Variants in PIAS4 observed in about 807,000 individuals in gnomAD.
The protein encoded by PIAS4 is protein inhibitor of activated STAT 4.
PIAS4 carries 7 observed loss-of-function variants against 58.0 expected under a neutral mutation model. The ratio of observed to expected loss-of-function variants is 0.12; its 90% CI spans 0.07 to 0.23. The LOEUF is 0.23. Ranked by LOEUF, PIAS4 falls within the 10% of genes least tolerant of loss-of-function variation. The probability of loss-of-function intolerance (pLI) is 1.00; values close to 1 mark genes in which losing one functional copy is unlikely to be tolerated. For missense variants in PIAS4, 550 were observed against 709.5 expected (o/e 0.78, Z 2.55); for synonymous variants, 364 against 312.4 (o/e 1.17, Z -1.74).
intron 1 of PIAS4, among the ~76,000 whole-genome samples, chr19:4,011,435 A>T (rs73918106): frequency 0.053 from 8,136 of 152,250 alleles, 744 homozygotes; most frequent in African/African-American, 0.18. Context: ...GGCCACTGCC[A>T]GTCTACCCCA....
intron 1 of PIAS4, among the ~76,000 whole-genome samples, chr19:4,011,549 CT>C (rs2039992188): frequency 6.6e-6 from 1 of 152,264 alleles, no homozygotes; most frequent in South Asian, 2.1e-4. Context: ...TCATTTGTCG[CT>C]TTGACCCAGG....
intron 9 of PIAS4, among the ~76,000 whole-genome samples, chr19:4,036,441 A>AAC (rs966414127): frequency 1.9e-5 from 2 of 104,706 alleles, no homozygotes; most frequent in African/African-American, 1.0e-4. Context: ...CTGTCATACA[A>AAC]ACACACACAC....
intron 4 of PIAS4, 76 bp downstream of exon 4, chr19:4,028,263 C>T (rs2040187761): frequency 7.8e-7 from 1 of 1,277,654 alleles, no homozygotes. Context: ...AGTCCTGGCC[C>T]AGGCCCTTCT....
At chr19:4,026,810 C>G (rs2084107) in intron 3 of PIAS4, among the ~76,000 whole-genome samples, 152,154 of 152,274 alleles carry the variant, frequency 1, 76,018 homozygotes, top group Middle Eastern at 1. Context: ...AGACTTCTGA[C>G]TAGCTAGGAT....
At chr19:4,036,625 T>A (rs551594798) in intron 9 of PIAS4, among the ~76,000 whole-genome samples, 1,283 of 91,200 alleles carry the variant, frequency 0.014, 55 homozygotes, top group Non-Finnish European at 0.021. Flanking sequence ...CCACACCGTC[T>A]CACATCTATA....
intron 2 of PIAS4, among the ~76,000 whole-genome samples, chr19:4,021,248 G>C (rs558582469): frequency 2.0e-4 from 31 of 152,250 alleles, no homozygotes; most frequent in African/African-American, 7.2e-4. Flanking sequence ...CGCCTTCTGG[G>C]TTTAAGCGAT....
At chr19:4,016,014 A>T (rs1050050903) in intron 2 of PIAS4, among the ~76,000 whole-genome samples, 6 of 152,098 alleles carry the variant, frequency 3.9e-5, no homozygotes, top group Non-Finnish European at 8.8e-5. Context: ...CAGTGCGGAG[A>T]ACGGCCCAAG....
rs1216213834 is a variant in PIAS4 at position 4,028,617 on chromosome 19, C to T, written c.672+17C>T. 5 of 1,611,400 alleles carry T rather than the reference C, an allele frequency of 3.1e-6. No homozygotes were observed. The African/African-American group carries it at 5.3e-5, about 17-fold the overall frequency. On this transcript the variant is annotated intron_variant, in intron 5 of 10. Transcript: ENST00000262971. Reference sequence around the variant, plus strand: ...TCCGTCCCGGTGAGCATGCCCCGCCCCCGCGTCGGCTGCACGGGTTTGGGG... The same window carrying T: ...TCCGTCCCGGTGAGCATGCCCCGCCTCCGCGTCGGCTGCACGGGTTTGGGG...
Position 4,028,600 on chromosome 19 carries a change from G to A in PIAS4, c.672G>A (p.Pro224=), listed in dbSNP as rs760450937. The A allele has an allele frequency of 9.9e-6, 16 of 1,612,436 alleles. No homozygotes were observed. The highest frequency in any genetic ancestry group is 3.3e-5 in the South Asian group (3 of 91,048). Residue 224 remains proline, a splice_region_variant and synonymous_variant, in exon 5 of 11, where the codon CCG becomes CCA. Transcript: ENST00000262971. ...VKVNHSYCSV[P]GYYPSNKPGV... ...TCAACCACAGCTACTGCTCCGTCCC[G>A]GTGAGCATGCCCCGCCCCCGCGTCG... is the stretch of plus-strand genomic sequence containing the variant.
chr19:4,028,778 A>G lies in PIAS4; in HGVS notation c.731A>G (p.Asn244Ser), dbSNP rs778839305. 18 of 1,613,076 alleles carry G rather than the reference A, an allele frequency of 1.1e-5. No individual in the cohort carries two copies. The highest frequency in any genetic ancestry group is 1.1e-5 in the South Asian group (1 of 91,052). Residue 244 changes from asparagine to serine, a missense_variant, in exon 6 of 11, where the codon AAC becomes AGC. Physicochemically the swap from Asn to Ser is conservative, Grantham distance 46. Transcript: ENST00000262971. ...CCCAAGAGGCCGTGCCGCCCCATCAACCTCACCCACCTCATGTACCTGTCC... is the reference window on the plus strand; with the variant it reads ...CCCAAGAGGCCGTGCCGCCCCATCAGCCTCACCCACCTCATGTACCTGTCC... ...VEPKRPCRPI[N>S]LTHLMYLSSA...
At position 4,036,637 on chromosome 19, in the gene PIAS4, AGTCCACAC is replaced by A. The variant is rs1302048508; in HGVS notation, c.1143-736_1143-729del. On this transcript the variant is annotated intron_variant, in intron 9 of 10. Transcript: ENST00000262971. ...AGTCCACACCGTCTCACATCTATACAGTCCACACTGTCATACACACACATCTATACAGT... is the reference window on the plus strand; with the variant it reads ...AGTCCACACCGTCTCACATCTATACATGTCATACACACACATCTATACAGT... Among the ~76,000 whole-genome samples, 135 of 137,580 alleles carry A rather than the reference AGTCCACAC, an allele frequency of 9.8e-4. 19 individuals carry two copies. Among genetic ancestry groups the A allele is most frequent in the African/African-American group, 4.3e-3 (129 of 29,672 alleles). 90.3% of individuals were successfully genotyped at this position (137,580 alleles called of 152,430 possible).
intron 9 of PIAS4, among the ~76,000 whole-genome samples, chr19:4,036,072 C>T (rs1293107759): frequency 2.4e-5 from 3 of 123,318 alleles, no homozygotes; most frequent in Non-Finnish European, 3.6e-5. Context: ...TCCACACTGT[C>T]ACACATCCGT....
At chr19:4,009,467 A>G (rs528827574) in intron 1 of PIAS4, among the ~76,000 whole-genome samples, 2 of 151,802 alleles carry the variant, frequency 1.3e-5, no homozygotes, top group Admixed American at 6.6e-5. Context: ...CTGGACCCCA[A>G]CCCCCACCCT....
At position 4,037,897 on chromosome 19, in the gene PIAS4, T is replaced by G; in HGVS notation, c.*22T>G. ...CTGACCCCGGCCGCACACTCGACTT[T>G]CCTGGTGCTCACCACGCAGAGGGGC... On this transcript the variant is annotated 3_prime_UTR_variant, in exon 11 of 11. Coordinates refer to ENST00000262971, the MANE Select transcript of PIAS4 (RefSeq NM_015897.4). The surrounding 1 kb of genome is among the most constrained non-coding windows in gnomAD (Gnocchi z 5.8). 1 of 1,565,910 alleles carries G rather than the reference T, an allele frequency of 6.4e-7. No individual in the cohort carries two copies. Among genetic ancestry groups the G allele is most frequent in the African/African-American group, 1.3e-5 (1 of 74,260 alleles).
intron 2 of PIAS4, among the ~76,000 whole-genome samples, chr19:4,019,151 G>C (rs1241248027): frequency 6.6e-6 from 1 of 152,162 alleles, no homozygotes; most frequent in Non-Finnish European, 1.5e-5. Flanking sequence ...GGGCTTCATG[G>C]ATGCCACCTG....
At chr19:4,015,321 G>A (rs897340152) in intron 2 of PIAS4, among the ~76,000 whole-genome samples, 3 of 152,138 alleles carry the variant, frequency 2.0e-5, no homozygotes, top group South Asian at 2.1e-4. Context: ...CTTCCTGCAC[G>A]GGGACCAGTA....
chr19:4,037,334 G>GGGGGGGGGGGCC lies in PIAS4; in HGVS notation c.1143-40_1143-39insGGGGGGGGGGCC. The GGGGGGGGGGGCC allele has an allele frequency of 6.6e-7, 1 of 1,511,002 alleles. No homozygotes were observed. Among genetic ancestry groups the GGGGGGGGGGGCC allele is most frequent in the Non-Finnish European group, 9.0e-7 (1 of 1,107,164 alleles). The allele number at this position is 1,511,002 out of a possible 1,614,324, so 93.6% of individuals were successfully genotyped here. A position where few individuals can be genotyped will look rare whatever the true frequency, so the allele number is the denominator to read the frequency against. ...AGGGCTGGGGAGTTGGGGGGGTGGG[G>GGGGGGGGGGGCC]CACCTCCAGCCCCGGCGTCAGCTGT... On this transcript the variant is annotated intron_variant, in intron 9 of 10. Transcript: ENST00000262971. The surrounding 1 kb of genome is among the most constrained non-coding windows in gnomAD (Gnocchi z 5.8).
At chr19:4,035,807 A>G (rs2040270154) in intron 9 of PIAS4, among the ~76,000 whole-genome samples, 1 of 152,202 alleles carries the variant, frequency 6.6e-6, no homozygotes, top group Non-Finnish European at 1.5e-5. Flanking sequence ...ACACACCCGC[A>G]CACATCCATA....
intron 3 of PIAS4, among the ~76,000 whole-genome samples, chr19:4,027,301 T>C (rs1599226481): frequency 1.3e-5 from 2 of 152,310 alleles, no homozygotes; most frequent in East Asian, 1.9e-4. Flanking sequence ...CTTTCGTGTC[T>C]GGCGTCTCTC....
Sources: gnomAD v4.1 joint callset for allele counts (sites outside exome capture counted in the v4.1 genomes callset) on GRCh38, gnomAD v4.1.1 for gene constraint, Gnocchi (gnomAD v3.1) non-coding constraint, MANE v1.5 for transcripts, NCBI Gene and HGNC (gene_info 2026-07-23, HGNC 2026-07-21) for gene names.